Variants in LDLRAD2 observed in about 807,000 individuals in gnomAD.
LDLRAD2 encodes low density lipoprotein receptor class A domain containing 2.
LDLRAD2 carries 25 observed loss-of-function variants against 24.9 expected under a neutral mutation model. The observed-to-expected ratio is 1.00, with a 90% confidence interval of 0.73 to 1.40. LDLRAD2 has a LOEUF of 1.40. LDLRAD2 is among the 40% of genes most tolerant of loss of function. The pLI, the probability that LDLRAD2 is intolerant of heterozygous loss-of-function variation, is 0.00. For synonymous variants in LDLRAD2, 182 were observed against 166.7 expected (o/e 1.09, Z -0.71); for missense variants, 391 against 366.2 (o/e 1.07, Z -0.55).
At chr1:21,815,490 T>C (rs2010397) in intron 2 of LDLRAD2, among the ~76,000 whole-genome samples, 35,382 of 152,048 alleles carry the variant, frequency 0.23, 4,243 homozygotes, top group Middle Eastern at 0.31. Flanking sequence ...TTAATAATAC[T>C]CGCCCAACTG....
In LDLRAD2 at chr1:21,814,407, C is replaced by T. The variant is rs1179945799; in HGVS notation, c.95C>T (p.Ala32Val). ...TATALETADL[A>V]ELCGQTWQGD... ...GTGCCTTCCGCTGCAGCCGACCTGGCGGAACTGTGCGGGCAGACGTGGCAG... is the reference window on the plus strand; with the variant it reads ...GTGCCTTCCGCTGCAGCCGACCTGGTGGAACTGTGCGGGCAGACGTGGCAG... Residue 32 changes from alanine (A) to valine (V), a missense_variant, in exon 2 of 5, where the codon GCG (alanine) becomes GTG (valine). Transcript: ENST00000344642. The T allele has an allele frequency of 3.1e-6, 5 of 1,596,674 alleles. No individual in the cohort carries two copies. Among genetic ancestry groups the T allele is most frequent in the African/African-American group, 2.7e-5 (2 of 74,070 alleles).
intron 4 of LDLRAD2, 35 bp from the exon 5 acceptor site, chr1:21,822,167 C>T (rs1473831358): frequency 1.9e-6 from 3 of 1,614,014 alleles, no homozygotes; most frequent in African/African-American, 2.7e-5. Context: ...GCTTCACCCC[C>T]AGATCTCACC....
chr1:21,823,075 TC>T lies in LDLRAD2; in HGVS notation c.*862del. The T allele has an allele frequency of 2.3e-6, 1 of 430,022 alleles. No individual in the cohort carries two copies. The allele number at this position is 430,022 out of a possible 1,614,324, so 26.6% of individuals were successfully genotyped here. On this transcript the variant is annotated 3_prime_UTR_variant, in exon 5 of 5. Transcript: ENST00000344642. The stretch of plus-strand genomic sequence containing the variant: ...CCCAGCCACTGTTCCTGACCCCAAG[TC>T]CTGGTGACTTTCTGAGGTGCCCACT...
rs749936859 is a variant in LDLRAD2 at position 21,814,476 on chromosome 1, T to C, written c.164T>C (p.Phe55Ser). Residue 55 changes from phenylalanine (F) to serine (S), a missense_variant, in exon 2 of 5, where the codon TTC becomes TCC. Transcript: ENST00000344642. ...CGCTCGCACGCCGCATCGCGCAGGT[T>C]CTACTTCGTGGCTCCGGACACCGAC... is the stretch of plus-strand genomic sequence containing the variant. ...LLRSHAASRR[F>S]YFVAPDTDCG... The C allele has an allele frequency of 6.2e-7, 1 of 1,612,442 alleles. No homozygotes were observed. The highest frequency in any genetic ancestry group is 8.5e-7 in the Non-Finnish European group (1 of 1,179,678).
intron 2 of LDLRAD2, among the ~76,000 whole-genome samples, chr1:21,815,504 G>A (rs181511877): frequency 6.1e-4 from 93 of 152,318 alleles, no homozygotes; most frequent in African/African-American, 1.7e-3. Flanking sequence ...CCAACTGGGC[G>A]CCGTGGCTTT....
chr1:21,814,796 G>A lies in LDLRAD2; in HGVS notation c.484G>A (p.Val162Met), dbSNP rs1414907410. The change falls in exon 2 of 5, where the codon GTG (valine) becomes ATG (methionine). Residue 162 changes from valine (V) to methionine (M), a missense_variant. Coordinates refer to ENST00000344642, the MANE Select transcript of LDLRAD2 (RefSeq NM_001013693.3). ...TRGRQPRVDF[V>M]GEVTSFRLGP... Reference sequence around the variant, plus strand: ...AGGCCGCCAGCCCCGCGTGGACTTCGTGGGCGAAGTCACCTCTTTCCGTCT... The same window carrying A: ...AGGCCGCCAGCCCCGCGTGGACTTCATGGGCGAAGTCACCTCTTTCCGTCT... 2.0e-6 allele frequency: 3 copies of A among 1,476,112 alleles called. No homozygotes were observed. The South Asian group carries it at 4.2e-5, about 21-fold the overall frequency. The allele number at this position is 1,476,112 out of a possible 1,614,324, so 91.4% of individuals were successfully genotyped here.
At chr1:21,817,521 T>C (rs2097945127) in intron 3 of LDLRAD2, among the ~76,000 whole-genome samples, 1 of 152,076 alleles carries the variant, frequency 6.6e-6, no homozygotes, top group African/African-American at 2.4e-5. Flanking sequence ...TTGTGTTTTC[T>C]GTAGAGATGA....
Position 21,823,140 on chromosome 1 carries a change from GC to G in LDLRAD2, c.*928del. The G allele has an allele frequency of 1.7e-6, 1 of 599,596 alleles. No homozygotes were observed. Among genetic ancestry groups the G allele is most frequent in the Non-Finnish European group, 2.7e-6 (1 of 371,718 alleles). 37.1% of individuals were successfully genotyped at this position (599,596 alleles called of 1,614,324 possible). A position where few individuals can be genotyped will look rare whatever the true frequency, so the allele number is the denominator to read the frequency against. On this transcript the variant is annotated 3_prime_UTR_variant, in exon 5 of 5. Coordinates refer to ENST00000344642, the MANE Select transcript of LDLRAD2 (RefSeq NM_001013693.3). ...CCTTGCTGGCCAGCCTTGTGGCTTT[GC>G]CCAGCTGTGTGTGTGAGGGTGGCAT...
intron 3 of LDLRAD2, among the ~76,000 whole-genome samples, chr1:21,819,397 T>C (rs924297229): frequency 6.6e-6 from 1 of 151,972 alleles, no homozygotes; most frequent in Non-Finnish European, 1.5e-5. Flanking sequence ...ATTAGTAACT[T>C]ATTATTATAT....
In LDLRAD2 at chr1:21,823,205, C is replaced by T. The variant is rs889983270; in HGVS notation, c.*990C>T. On this transcript the variant is annotated 3_prime_UTR_variant, in exon 5 of 5. Transcript: ENST00000344642. The stretch of plus-strand genomic sequence containing the variant: ...CCAGCCCAGGGCGGTAGCAGCAAAG[C>T]GTGGCATCGCCTCGGTTTCTTACAA... 10 of 1,064,258 alleles carry T rather than the reference C, an allele frequency of 9.4e-6. No homozygotes were observed. The highest frequency in any genetic ancestry group is 6.4e-5 in the South Asian group (3 of 47,224). 65.9% of individuals were successfully genotyped at this position (1,064,258 alleles called of 1,614,324 possible). A position where few individuals can be genotyped will look rare whatever the true frequency, so the allele number is the denominator to read the frequency against.
Position 21,814,821 on chromosome 1 carries a change from T to C in LDLRAD2, c.509T>C (p.Leu170Pro), listed in dbSNP as rs768663161. The stretch of plus-strand genomic sequence containing the variant: ...GTGGGCGAAGTCACCTCTTTCCGTC[T>C]GGGTGAGCTGGGGCTGAAGGCCGGG... ...DFVGEVTSFR[L>P]GPCGAYFRCQ... Residue 170 changes from leucine (L) to proline (P), a missense_variant and splice_region_variant, in exon 2 of 5, where the codon CTG becomes CCG. Transcript: ENST00000344642. 36 of 1,472,358 alleles carry C rather than the reference T, an allele frequency of 2.4e-5. No homozygotes were observed. The highest frequency in any genetic ancestry group is 3.2e-5 in the Non-Finnish European group (36 of 1,120,486). 91.2% of individuals were successfully genotyped at this position (1,472,358 alleles called of 1,614,324 possible).
intron 3 of LDLRAD2, among the ~76,000 whole-genome samples, chr1:21,820,532 A>G (rs1572114320): frequency 6.6e-6 from 1 of 150,958 alleles, no homozygotes; most frequent in South Asian, 2.1e-4. Context: ...CAAAAAAAAA[A>G]AAAAAAAAAG....
intron 3 of LDLRAD2, among the ~76,000 whole-genome samples, chr1:21,819,088 C>A (rs2097947421): frequency 6.6e-6 from 1 of 151,702 alleles, no homozygotes; most frequent in African/African-American, 2.4e-5. Flanking sequence ...AAAATAGCAA[C>A]CCTGGCCAGG....
Position 21,814,630 on chromosome 1 carries a change from G to C in LDLRAD2, c.318G>C (p.Pro106=). 6.2e-7 allele frequency: 1 copy of C among 1,606,336 alleles called. No homozygotes were observed. Among genetic ancestry groups the C allele is most frequent in the Non-Finnish European group, 8.5e-7 (1 of 1,176,808 alleles). ...CCTCCTCCCCGGCCCCGGCCGACCC[G>C]TGCGCCCCCGGCTCCTACCTGCAGT... is the stretch of plus-strand genomic sequence containing the variant. ...LNTSSPAPAD[P]CAPGSYLQFY... The change falls in exon 2 of 5, where the codon CCG becomes CCC. Residue 106 remains proline (P), a synonymous_variant. Coordinates refer to ENST00000344642, the MANE Select transcript of LDLRAD2 (RefSeq NM_001013693.3).
At chr1:21,819,354 C>G (rs1207353915) in intron 3 of LDLRAD2, among the ~76,000 whole-genome samples, 2 of 151,814 alleles carry the variant, frequency 1.3e-5, no homozygotes, top group African/African-American at 4.8e-5. Flanking sequence ...GCTTGAGCAA[C>G]AAGAGCGAAA....
Position 21,824,600 on chromosome 1 carries a change from G to A in LDLRAD2, c.*2385G>A, listed in dbSNP as rs201084549. 7.4e-6 allele frequency: 12 copies of A among 1,613,882 alleles called. No homozygotes were observed. Among genetic ancestry groups the A allele is most frequent in the East Asian group, 4.5e-5 (2 of 44,900 alleles). On this transcript the variant is annotated 3_prime_UTR_variant, in exon 5 of 5. Transcript: ENST00000344642. This position sits in a 1 kb window ranked among gnomAD's most constrained non-coding sequence, Gnocchi z 5.9. ...TCCGAACCTCCAGCTCGATGGTCTC[G>A]GGCACCTCGGGCAGGCTGCGGAGGA... is the stretch of plus-strand genomic sequence containing the variant.
At position 21,824,825 on chromosome 1, in the gene LDLRAD2, C is replaced by T. The variant is rs769073036; in HGVS notation, c.*2610C>T. On this transcript the variant is annotated 3_prime_UTR_variant, in exon 5 of 5. Transcript: ENST00000344642. The surrounding 1 kb of genome is among the most constrained non-coding windows in gnomAD (Gnocchi z 5.9). Reference sequence around the variant, plus strand: ...GTGCCATACCTGCTGCATCAGGCATCAAAATCCCCCGTCAGTTCCCCTGAC... The same window carrying T: ...GTGCCATACCTGCTGCATCAGGCATTAAAATCCCCCGTCAGTTCCCCTGAC... The T allele has an allele frequency of 1.0e-4, 156 of 1,539,116 alleles. No individual in the cohort carries two copies. Among genetic ancestry groups the T allele is most frequent in the Non-Finnish European group, 1.3e-4 (147 of 1,125,112 alleles).
At position 21,824,944 on chromosome 1, in the gene LDLRAD2, T is replaced by A. The variant is rs993695524; in HGVS notation, c.*2729T>A. ...CTGCCAACAGAATTCAGGGAGCCTA[T>A]GACCTTGGATGGGAAAGCATTACAC... On this transcript the variant is annotated 3_prime_UTR_variant, in exon 5 of 5. Coordinates refer to ENST00000344642, the MANE Select transcript of LDLRAD2 (RefSeq NM_001013693.3). This position sits in a 1 kb window ranked among gnomAD's most constrained non-coding sequence, Gnocchi z 5.9. 1.5e-6 allele frequency: 1 copy of A among 680,942 alleles called. No homozygotes were observed. Among genetic ancestry groups the A allele is most frequent in the Non-Finnish European group, 2.7e-6 (1 of 371,474 alleles). 42.2% of individuals were successfully genotyped at this position (680,942 alleles called of 1,614,324 possible).
Position 21,814,382 on chromosome 1 carries a change from G to C in LDLRAD2, c.86-16G>C, listed in dbSNP as rs768796447. On this transcript the variant is annotated splice_polypyrimidine_tract_variant and intron_variant, in intron 1 of 4. Coordinates refer to ENST00000344642, the MANE Select transcript of LDLRAD2 (RefSeq NM_001013693.3). ...GTCGCGCCGCGCGGCTCCAGTTTCC[G>C]TGCCTTCCGCTGCAGCCGACCTGGC... 23 of 1,570,690 alleles carry C rather than the reference G, an allele frequency of 1.5e-5. No homozygotes were observed. Among genetic ancestry groups the C allele is most frequent in the Admixed American group, 5.4e-5 (3 of 55,960 alleles).
Sources: allele counts gnomAD v4.1 joint callset (sites outside exome capture counted in the v4.1 genomes callset), GRCh38; gene constraint gnomAD v4.1.1; non-coding constraint Gnocchi (gnomAD v3.1); transcripts MANE v1.5; gene names NCBI Gene and HGNC (gene_info 2026-07-23, HGNC 2026-07-21).